The following RPH3A variants were observed in gnomAD, a reference collection of about 807,000 sequenced individuals.
RPH3A encodes rabphilin 3A.
RPH3A carries 48 observed loss-of-function variants against 102.2 expected under a neutral mutation model. The ratio of observed to expected loss-of-function variants is 0.47; its 90% CI spans 0.37 to 0.60. The LOEUF (loss-of-function observed/expected upper bound fraction) is 0.60, where lower values mean the gene tolerates loss of function less well. Ranked by LOEUF, RPH3A falls within the 20% of genes least tolerant of loss-of-function variation. The pLI is 0.00. For missense variants in RPH3A, 781 were observed against 910.1 expected (o/e 0.86, Z 1.83); for synonymous variants, 310 against 324.3 (o/e 0.96, Z 0.47).
intron 1 of RPH3A, among the ~76,000 whole-genome samples, chr12:112,736,686 G>C (rs2040672033): frequency 6.6e-6 from 1 of 152,172 alleles, no homozygotes; most frequent in African/African-American, 2.4e-5. Flanking sequence ...ACGCATACTA[G>C]GTGCTTAATA....
chr12:112,635,260 T>C (rs1278236092), intron 1 of RPH3A, among the ~76,000 whole-genome samples: 2 of 152,220 alleles, frequency 1.3e-5, no homozygotes, highest in Non-Finnish European at 2.9e-5. Context: ...GATTGGCCTA[T>C]GGGCTGTTGT....
intron 1 of RPH3A, among the ~76,000 whole-genome samples, chr12:112,738,199 T>TTAA (rs1491583739): frequency 4.0e-5 from 1 of 25,044 alleles, no homozygotes; most frequent in Non-Finnish European, 7.5e-5. Context: ...AATTAATTAA[T>TTAA]TTTTTTTTTT....
intron 4 of RPH3A, among the ~76,000 whole-genome samples, chr12:112,838,897 C>A (rs775068004): frequency 6.6e-6 from 1 of 152,160 alleles, no homozygotes; most frequent in Non-Finnish European, 1.5e-5. Flanking sequence ...TCCACCAATG[C>A]TGGCCTTGGT....
At chr12:112,604,927 T>G (rs1436984966) in intron 1 of RPH3A, among the ~76,000 whole-genome samples, 1 of 152,220 alleles carries the variant, frequency 6.6e-6, no homozygotes, top group Non-Finnish European at 1.5e-5. Context: ...GAGACCAAGA[T>G]GGAAACCTTC....
chr12:112,694,374 A>C (rs2040329624), intron 1 of RPH3A, among the ~76,000 whole-genome samples: 1 of 152,090 alleles, frequency 6.6e-6, no homozygotes. Context: ...CTTCTTAGTG[A>C]TTATCCGGCA....
At chr12:112,828,205 T>C in intron 2 of RPH3A, 96 bp from the exon 3 acceptor site, 1 of 817,092 alleles carries the variant, frequency 1.2e-6, no homozygotes, top group Non-Finnish European at 2.1e-6. Flanking sequence ...CTCTGTCTTC[T>C]CTATCCCACT....
At chr12:112,659,314 T>C (rs1015255960) in intron 1 of RPH3A, among the ~76,000 whole-genome samples, 2 of 152,198 alleles carry the variant, frequency 1.3e-5, no homozygotes, top group African/African-American at 4.8e-5. Context: ...ATATCCTTAA[T>C]CTCCTTCAGT....
chr12:112,792,993 G>A (rs1313863210), intron 2 of RPH3A, among the ~76,000 whole-genome samples: 1 of 152,198 alleles, frequency 6.6e-6, no homozygotes, highest in Admixed American at 6.5e-5. Context: ...TAGCTTGGGA[G>A]ATTCTATCCT....
intron 1 of RPH3A, among the ~76,000 whole-genome samples, chr12:112,633,661 A>T (rs1190822107): frequency 6.6e-6 from 1 of 152,196 alleles, no homozygotes; most frequent in African/African-American, 2.4e-5. Flanking sequence ...AAGAAATAAA[A>T]TTTCTTTATA....
At chr12:112,759,847 G>A (rs1373447472) in intron 1 of RPH3A, among the ~76,000 whole-genome samples, 5 of 152,082 alleles carry the variant, frequency 3.3e-5, no homozygotes. Context: ...CAGCAGCTCA[G>A]CACACCCCAG....
At chr12:112,753,645 G>T (rs1017671195) in intron 1 of RPH3A, among the ~76,000 whole-genome samples, 1 of 152,168 alleles carries the variant, frequency 6.6e-6, no homozygotes, top group Non-Finnish European at 1.5e-5. Flanking sequence ...ACCCAGGAAG[G>T]CCCTAAGATT....
rs1231076483 is a variant in RPH3A, at chr12:112,736,981, C to T, written c.-139-55162C>T. On this transcript the variant is annotated intron_variant, in intron 1 of 21. Coordinates refer to the RPH3A transcript ENST00000543106. ...ACCAGCCTGGGCAATATAGTGAGAC[C>T]GAGTCTCTACAAAAAATACAAAAAT... 2.0e-5 allele frequency among the ~76,000 whole-genome samples: 3 copies of T among 151,740 alleles called. No homozygotes were observed. The East Asian group carries it at 5.8e-4, about 29-fold the overall frequency.
At chr12:112,627,558 A>G (rs2039775485) in intron 1 of RPH3A, among the ~76,000 whole-genome samples, 1 of 151,818 alleles carries the variant, frequency 6.6e-6, no homozygotes, top group African/African-American at 2.4e-5. Context: ...TATAGCATTT[A>G]TTTATTGTGC....
At chr12:112,653,512 A>G (rs2039991087) in intron 1 of RPH3A, among the ~76,000 whole-genome samples, 1 of 152,120 alleles carries the variant, frequency 6.6e-6, no homozygotes, top group Non-Finnish European at 1.5e-5. Context: ...GGCCTAGGAC[A>G]TTACTGTGCA....
At chr12:112,785,890 G>T (rs1191467350) in intron 1 of RPH3A, among the ~76,000 whole-genome samples, 1 of 152,158 alleles carries the variant, frequency 6.6e-6, no homozygotes, top group Non-Finnish European at 1.5e-5. Context: ...TGCATTCCTT[G>T]AGGATAGGAG....
chr12:112,575,286 G>A (rs979961799), exon 1 of RPH3A: 1 of 152,406 alleles, frequency 6.6e-6, no homozygotes, highest in East Asian at 1.9e-4. Context: ...CGCTGGAGGC[G>A]GCGGAGGGAC....
chr12:112,607,596 C>T (rs78539040), intron 1 of RPH3A, among the ~76,000 whole-genome samples: 5,928 of 152,278 alleles, frequency 0.039, 233 homozygotes, highest in African/African-American at 0.094. Context: ...TGTAGAAGTG[C>T]TTTTTAATCA....
chr12:112,604,534 T>G (rs2039581582), intron 1 of RPH3A, among the ~76,000 whole-genome samples: 2 of 152,164 alleles, frequency 1.3e-5, no homozygotes, highest in East Asian at 1.9e-4. Flanking sequence ...ATTTTACAGA[T>G]AGAGAAATGG....
intron 1 of RPH3A, among the ~76,000 whole-genome samples, chr12:112,719,375 C>T (rs189220020): frequency 2.0e-5 from 3 of 152,278 alleles, no homozygotes; most frequent in Admixed American, 1.3e-4. Context: ...CAATGTAGAA[C>T]GCATACCTCA....
Sources: gnomAD v4.1 joint callset for allele counts (sites outside exome capture counted in the v4.1 genomes callset) on GRCh38, gnomAD v4.1.1 for gene constraint, MANE v1.5 for transcripts, NCBI Gene and HGNC (gene_info 2026-07-23, HGNC 2026-07-21) for gene names.